FAM53B: variants seen among roughly 807,000 people sequenced by gnomAD.
The protein encoded by FAM53B is protein FAM53B.
Under a neutral mutation model 32.7 loss-of-function variants are expected in FAM53B, and 12 were observed. That is an observed-to-expected ratio of 0.37 (90% CI 0.24 to 0.59). The LOEUF (loss-of-function observed/expected upper bound fraction) is 0.59, where lower values mean the gene tolerates loss of function less well. Among genes scored for constraint, FAM53B ranks in the 20% least tolerant of loss-of-function variants. The pLI is 0.72. For synonymous variants in FAM53B, 234 were observed against 228.7 expected (o/e 1.02, Z -0.21); for missense variants, 477 against 577.7 (o/e 0.83, Z 1.79).
chr10:124,639,109 A>G lies in FAM53B; in HGVS notation c.907-15505T>C, dbSNP rs540135996. 2.6e-5 allele frequency among the ~76,000 whole-genome samples: 4 copies of G among 152,262 alleles called. No individual in the cohort carries two copies. In the South Asian group the frequency reaches 6.2e-4, roughly 24 times the overall value. ...TGGGGTGGCTCAGCCTCTTGCCCAT[A>G]TAAGTCCCGTCTCTCTAACCCAATG... On this transcript the variant is annotated intron_variant, in intron 4 of 4. Coordinates refer to ENST00000337318, the MANE Select transcript of FAM53B (RefSeq NM_014661.4).
In FAM53B at chr10:124,621,901, G is replaced by C. The variant is rs1023911532; in HGVS notation, c.*1341C>G. On this transcript the variant is annotated 3_prime_UTR_variant, in exon 5 of 5. Transcript: ENST00000337318. ...CCAATTGCTATTGTTTGCAGAAGACGCCACATTCGCTAAAAGCCAGATTCC... is the reference window on the plus strand; with the variant it reads ...CCAATTGCTATTGTTTGCAGAAGACCCCACATTCGCTAAAAGCCAGATTCC... 6.6e-6 allele frequency: 1 copy of C among 152,552 alleles called. No individual in the cohort carries two copies. Among genetic ancestry groups the C allele is most frequent in the East Asian group, 1.9e-4 (1 of 5,182 alleles). The allele number at this position is 152,552 out of a possible 1,614,324, so 9.4% of individuals were successfully genotyped here. A position where few individuals can be genotyped will look rare whatever the true frequency, so the allele number is the denominator to read the frequency against.
At chr10:124,643,677 C>T (rs1217056920) in intron 4 of FAM53B, among the ~76,000 whole-genome samples, 3 of 152,242 alleles carry the variant, frequency 2.0e-5, no homozygotes, top group Non-Finnish European at 4.4e-5. Flanking sequence ...GAAGAGGCTG[C>T]ATTCACGGCC....
chr10:124,686,737 A>G (rs1391103174), intron 3 of FAM53B, among the ~76,000 whole-genome samples: 1 of 152,264 alleles, frequency 6.6e-6, no homozygotes, highest in African/African-American at 2.4e-5. Flanking sequence ...TTGGTGGTGC[A>G]TGAATGAGGT....
At chr10:124,660,867 G>A (rs1949626706) in intron 4 of FAM53B, among the ~76,000 whole-genome samples, 1 of 152,130 alleles carries the variant, frequency 6.6e-6, no homozygotes, top group South Asian at 2.1e-4. Flanking sequence ...AAAGCAGCTG[G>A]AGACAACATG....
chr10:124,653,317 G>C (rs1353352388), intron 4 of FAM53B, among the ~76,000 whole-genome samples: 1 of 152,212 alleles, frequency 6.6e-6, no homozygotes, highest in East Asian at 1.9e-4. Flanking sequence ...CCTGAGGCTG[G>C]GACAACCAGC....
chr10:124,690,982 T>G (rs1224846257), intron 3 of FAM53B, among the ~76,000 whole-genome samples: 2 of 152,208 alleles, frequency 1.3e-5, no homozygotes, highest in East Asian at 3.8e-4. Context: ...GAAGCTCTGA[T>G]TTTGTTATTG....
intron 3 of FAM53B, among the ~76,000 whole-genome samples, chr10:124,685,242 T>C (rs1315884717): frequency 1.3e-5 from 2 of 152,242 alleles, no homozygotes; most frequent in African/African-American, 4.8e-5. Flanking sequence ...GTTAATTTAT[T>C]TTTTCTCTTT....
At chr10:124,715,521 CCTT>C (rs897224693) in intron 1 of FAM53B, among the ~76,000 whole-genome samples, 7 of 152,206 alleles carry the variant, frequency 4.6e-5, no homozygotes, top group South Asian at 2.1e-4. Flanking sequence ...GCCACCCTGT[CCTT>C]CTCTCAAAGT....
At chr10:124,710,502 T>G (rs1306112790) in intron 1 of FAM53B, among the ~76,000 whole-genome samples, 1 of 152,196 alleles carries the variant, frequency 6.6e-6, no homozygotes, top group Non-Finnish European at 1.5e-5. Context: ...CCAACTTCAC[T>G]GGGGAATGCC....
chr10:124,686,025 C>A (rs1023595143), intron 3 of FAM53B, among the ~76,000 whole-genome samples: 1 of 152,190 alleles, frequency 6.6e-6, no homozygotes, highest in Non-Finnish European at 1.5e-5. Flanking sequence ...AAACCTCCTA[C>A]GACAGTGGAG....
rs71484584 is a variant in FAM53B at position 124,714,758 on chromosome 10, CAAA to C, written c.-174-7874_-174-7872del. On this transcript the variant is annotated intron_variant, in intron 1 of 4. Transcript: ENST00000337318. ...TGGGTGACAGAGCGAGACTCCACCT[CAAA>C]AAAAAAAAAAAAAAAAAAGAAAACC... Among the ~76,000 whole-genome samples the C allele has an allele frequency of 5.5e-3, 502 of 90,832 alleles. 1 individual carries two copies. The highest frequency in any genetic ancestry group is 0.024 in the African/African-American group (478 of 19,614). 59.6% of individuals were successfully genotyped at this position (90,832 alleles called of 152,430 possible).
chr10:124,626,823 A>C (rs2134035698), intron 4 of FAM53B, among the ~76,000 whole-genome samples: 1 of 152,048 alleles, frequency 6.6e-6, no homozygotes, highest in South Asian at 2.1e-4. Flanking sequence ...ACAGAGGCAG[A>C]CTCCATCCAC....
At chr10:124,648,626 A>C (rs1207466911) in intron 4 of FAM53B, among the ~76,000 whole-genome samples, 2 of 152,272 alleles carry the variant, frequency 1.3e-5, no homozygotes, top group Non-Finnish European at 2.9e-5. Flanking sequence ...CCATGCCCTC[A>C]CAATGGGCCA....
chr10:124,678,579 C>G (rs1377182956), intron 4 of FAM53B, among the ~76,000 whole-genome samples: 2 of 152,208 alleles, frequency 1.3e-5, no homozygotes, highest in East Asian at 3.8e-4. Flanking sequence ...CAGAAAAACT[C>G]TGATGGGCAC....
chr10:124,655,027 C>G (rs1949579233), intron 4 of FAM53B, among the ~76,000 whole-genome samples: 1 of 152,198 alleles, frequency 6.6e-6, no homozygotes, highest in Admixed American at 6.5e-5. Flanking sequence ...CAGGGGCACA[C>G]AGGTGATGGG....
intron 3 of FAM53B, among the ~76,000 whole-genome samples, chr10:124,689,594 C>A (rs913960959): frequency 6.6e-6 from 1 of 152,242 alleles, no homozygotes; most frequent in Non-Finnish European, 1.5e-5. Flanking sequence ...AATGCACCAT[C>A]AGGCCCCACA....
At chr10:124,691,580 C>T (rs1001521336) in intron 3 of FAM53B, among the ~76,000 whole-genome samples, 11 of 152,164 alleles carry the variant, frequency 7.2e-5, no homozygotes, top group Non-Finnish European at 1.5e-4. Context: ...GTATTGCCTT[C>T]GCTTTCTTAC....
At chr10:124,623,777 C>A in intron 4 of FAM53B, 173 bp from the exon 5 acceptor site, 1 of 642,830 alleles carries the variant, frequency 1.6e-6, no homozygotes, top group Non-Finnish European at 2.6e-6. Context: ...TGAAGATGCA[C>A]CTCCGGCCAA....
At chr10:124,726,362 A>T (rs568590906) in intron 1 of FAM53B, among the ~76,000 whole-genome samples, 138 of 152,314 alleles carry the variant, frequency 9.1e-4, no homozygotes, top group African/African-American at 2.7e-3. Context: ...AGGAGCTCCA[A>T]CAGTCCCTAG....
Sources: allele counts gnomAD v4.1 joint callset (sites outside exome capture counted in the v4.1 genomes callset), GRCh38; gene constraint gnomAD v4.1.1; transcripts MANE v1.5; gene names NCBI Gene and HGNC (gene_info 2026-07-23, HGNC 2026-07-21).